The following RNF150 variants were observed in gnomAD, a reference collection of about 807,000 sequenced individuals.
RNF150 encodes the protein ring finger protein 150.
In RNF150, 24 loss-of-function variants were observed where a neutral mutation model predicts 39.3. That is an observed-to-expected ratio of 0.61 (90% confidence interval 0.44 to 0.86). The LOEUF is 0.86. Among genes scored for constraint, RNF150 ranks in the 40% least tolerant of loss-of-function variants. The probability of loss-of-function intolerance (pLI) is 0.00; values close to 1 mark genes in which losing one functional copy is unlikely to be tolerated. For synonymous variants in RNF150, 255 were observed against 227.3 expected, an observed-to-expected ratio of 1.12 and a Z score of -1.10; for missense variants, 502 against 587.8, an observed-to-expected ratio of 0.85 and a Z score of 1.51.
At chr4:140,978,978 C>A (rs982572289) in intron 1 of RNF150, among the ~76,000 whole-genome samples, 4 of 152,036 alleles carry the variant, frequency 2.6e-5, no homozygotes, top group Non-Finnish European at 5.9e-5. Flanking sequence ...ATATTAAATT[C>A]TAATTTTTGC....
chr4:141,172,131 G>T (rs1326700977), intron 1 of RNF150, among the ~76,000 whole-genome samples: 1 of 152,130 alleles, frequency 6.6e-6, no homozygotes, highest in East Asian at 1.9e-4. Context: ...GAGTTTGCTG[G>T]TTAGCTGGTG....
At chr4:140,973,140 T>C (rs189414369) in intron 1 of RNF150, among the ~76,000 whole-genome samples, 9 of 152,296 alleles carry the variant, frequency 5.9e-5, no homozygotes, top group African/African-American at 1.7e-4. Context: ...TGTACCTCCC[T>C]ACCATCAAGT....
chr4:141,072,644 C>T (rs1039607991), intron 1 of RNF150, among the ~76,000 whole-genome samples: 26 of 152,114 alleles, frequency 1.7e-4, no homozygotes, highest in African/African-American at 5.8e-4. Flanking sequence ...TCTTTAAAAA[C>T]TTTTTGTATA....
chr4:140,876,728 T>C (rs1331267355), intron 6 of RNF150, among the ~76,000 whole-genome samples: 1 of 152,176 alleles, frequency 6.6e-6, no homozygotes, highest in Non-Finnish European at 1.5e-5. Context: ...GTCAGTGAAA[T>C]TGACAGTTGT....
chr4:141,059,889 G>A (rs1460987076), intron 1 of RNF150, among the ~76,000 whole-genome samples: 9 of 151,952 alleles, frequency 5.9e-5, no homozygotes, highest in Admixed American at 6.6e-5. Context: ...ATTCACAACA[G>A]AACCTAGTTT....
rs774202852 is a variant in RNF150 at position 140,911,146 on chromosome 4, T to C, written c.1196A>G (p.Asn399Ser). Residue 399 changes from asparagine (N) to serine (S), a missense_variant and splice_region_variant, in exon 6 of 7, where the codon AAC (asparagine) becomes AGC (serine). By Grantham distance (46) the Asn-to-Ser change is conservative. Transcript: ENST00000515673. ...ACTTTAAGTATGGCAGAACTCACTG[T>C]TAGTAGTAAAGATGACGTCTCCCTC... Reference protein sequence around the residue: ...PQEGDVIFTTNSEQEPAVSSD... With the variant: ...PQEGDVIFTTSSEQEPAVSSD... 1 of 1,611,720 alleles carries C rather than the reference T, an allele frequency of 6.2e-7. No homozygotes were observed. Among genetic ancestry groups the C allele is most frequent in the South Asian group, 1.1e-5 (1 of 91,000 alleles).
chr4:141,078,327 G>A (rs1737980705), intron 1 of RNF150, among the ~76,000 whole-genome samples: 1 of 152,074 alleles, frequency 6.6e-6, no homozygotes, highest in African/African-American at 2.4e-5. Flanking sequence ...TAAAATCTCA[G>A]AAGACTGAGC....
chr4:140,903,800 T>G (rs558729418), intron 6 of RNF150, among the ~76,000 whole-genome samples: 1 of 152,324 alleles, frequency 6.6e-6, no homozygotes, highest in African/African-American at 2.4e-5. Flanking sequence ...AAGACAAGCT[T>G]CTTCTGGGTG....
intron 1 of RNF150, among the ~76,000 whole-genome samples, chr4:141,026,142 A>C (rs1464803061): frequency 6.6e-6 from 1 of 152,170 alleles, no homozygotes; most frequent in African/African-American, 2.4e-5. Flanking sequence ...TTGTTATTCA[A>C]GTCATCCAGT....
intron 4 of RNF150, among the ~76,000 whole-genome samples, chr4:140,940,613 G>A (rs190301992): frequency 1.3e-5 from 2 of 152,320 alleles, no homozygotes; most frequent in East Asian, 3.9e-4. Context: ...ATGTAGCCAA[G>A]GAACTGGCCA....
rs760043374 is a variant in RNF150, at chr4:140,868,399, T to A, written c.1199-20A>T. On this transcript the variant is annotated intron_variant, in intron 6 of 6. Transcript: ENST00000515673. Reference sequence around the variant, plus strand: ...GCTCACCTGGGAGGAGAAAGCAAAGTTCACAGTGAACACCGAGCTATGTCT... The same window carrying A: ...GCTCACCTGGGAGGAGAAAGCAAAGATCACAGTGAACACCGAGCTATGTCT... 7.5e-7 allele frequency: 1 copy of A among 1,341,878 alleles called. No homozygotes were observed. Among genetic ancestry groups the A allele is most frequent in the Admixed American group, 1.7e-5 (1 of 59,688 alleles). 83.1% of individuals were successfully genotyped at this position (1,341,878 alleles called of 1,614,324 possible). A position where few individuals can be genotyped will look rare whatever the true frequency, so the allele number is the denominator to read the frequency against.
intron 6 of RNF150, 107 bp from the exon 7 acceptor site, chr4:140,868,486 G>A (rs1728802823): frequency 4.4e-6 from 3 of 689,220 alleles, no homozygotes; most frequent in Non-Finnish European, 5.1e-6. Flanking sequence ...GCCAAGAGAA[G>A]GTATTAGAAA....
chr4:141,124,271 G>T (rs1024007354), intron 1 of RNF150, among the ~76,000 whole-genome samples: 3 of 152,184 alleles, frequency 2.0e-5, no homozygotes, highest in African/African-American at 7.2e-5. Context: ...ACCTCACCTG[G>T]CCCTTACATT....
At chr4:140,966,436 G>T (rs1733247360) in intron 2 of RNF150, among the ~76,000 whole-genome samples, 2 of 152,060 alleles carry the variant, frequency 1.3e-5, no homozygotes, top group African/African-American at 4.8e-5. Context: ...ACAAGCTGAG[G>T]GGTGGTGAGG....
intron 5 of RNF150, among the ~76,000 whole-genome samples, chr4:140,918,755 T>C (rs1431792690): frequency 7.9e-5 from 12 of 151,962 alleles, no homozygotes; most frequent in Admixed American, 7.9e-4. Context: ...TAGACCAATA[T>C]CCTTGACGAA....
At position 140,911,129 on chromosome 4, in the gene RNF150, T is replaced by C. The variant is rs769788416; in HGVS notation, c.1198+15A>G. ...GTCCTTCTGGCTATGTCACTTTAAG[T>C]ATGGCAGAACTCACTGTTAGTAGTA... On this transcript the variant is annotated intron_variant, in intron 6 of 6. Transcript: ENST00000515673. 67 of 1,601,048 alleles carry C rather than the reference T, an allele frequency of 4.2e-5. No individual in the cohort carries two copies. The East Asian group carries it at 1.2e-3, about 29-fold the overall frequency.
At chr4:141,076,783 A>G (rs1416325525) in intron 1 of RNF150, among the ~76,000 whole-genome samples, 3 of 152,162 alleles carry the variant, frequency 2.0e-5, no homozygotes, top group Non-Finnish European at 4.4e-5. Context: ...AAATGTTTCA[A>G]ATAGTAAATA....
chr4:141,010,111 A>G (rs903628523), intron 1 of RNF150, among the ~76,000 whole-genome samples: 1 of 152,232 alleles, frequency 6.6e-6, no homozygotes, highest in African/African-American at 2.4e-5. Context: ...CACTTGCACT[A>G]AGGTTCAGGA....
At chr4:141,184,838 C>T (rs1390011600) in intron 1 of RNF150, among the ~76,000 whole-genome samples, 1 of 150,170 alleles carries the variant, frequency 6.7e-6, no homozygotes, top group Non-Finnish European at 1.5e-5. Flanking sequence ...ATTTCTGAGG[C>T]CTCTGTTTTG....
Sources: allele counts gnomAD v4.1 joint callset (sites outside exome capture counted in the v4.1 genomes callset), GRCh38; gene constraint gnomAD v4.1.1; transcripts MANE v1.5; gene names NCBI Gene and HGNC (gene_info 2026-07-23, HGNC 2026-07-21).